The following MYH15 variants were observed in gnomAD, a reference collection of about 807,000 sequenced individuals.
MYH15 encodes myosin-15.
In MYH15, 227 loss-of-function variants were observed where a neutral mutation model predicts 240.5. The ratio of observed to expected loss-of-function variants is 0.94; its 90% CI spans 0.85 to 1.05. The LOEUF is 1.05. Ranked by LOEUF, MYH15 falls within the 50% of genes least tolerant of loss-of-function variation. MYH15 has a pLI of 0.00. For synonymous variants in MYH15, 785 were observed against 796.7 expected, an observed-to-expected ratio of 0.99 and a Z score of 0.25; for missense variants, 2,217 against 2,247.5, an observed-to-expected ratio of 0.99 and a Z score of 0.27.
At chr3:108,453,062 T>A (rs945238553) in intron 21 of MYH15, among the ~76,000 whole-genome samples, 3 of 152,230 alleles carry the variant, frequency 2.0e-5, no homozygotes, top group African/African-American at 7.2e-5. Context: ...TTGAGAGCTT[T>A]CACAATAACT....
chr3:108,543,516 G>A, the MYH15 span: 3 of 152,202 alleles, frequency 2.0e-5, no homozygotes, highest in Non-Finnish European at 4.4e-5. Flanking sequence ...AAGCGGATGA[G>A]CTTGTAGCAG....
chr3:108,529,230 A>G lies in MYH15; in HGVS notation c.-58+33T>C, dbSNP rs768555841. On this transcript the variant is annotated intron_variant, in intron 1 of 41. Coordinates refer to the MYH15 transcript ENST00000273353. ...GTCAGGCTATTCAGCATTCTGTTAG[A>G]CAAATTAAAACATATGTTGGGAGTC... The G allele has an allele frequency of 2.5e-6, 4 of 1,592,654 alleles. No homozygotes were observed. In the South Asian group the frequency reaches 4.4e-5, roughly 18 times the overall value.
intron 38 of MYH15, among the ~76,000 whole-genome samples, chr3:108,385,525 G>A (rs1387324052): frequency 3.9e-5 from 6 of 152,162 alleles, no homozygotes; most frequent in African/African-American, 1.2e-4. Flanking sequence ...ATTCCAGAGA[G>A]AGAGGAGGCT....
chr3:108,399,029 A>G, intron 34 of MYH15, 46 bp downstream of exon 34: 1 of 1,577,678 alleles, frequency 6.3e-7, no homozygotes, highest in Non-Finnish European at 8.7e-7. Flanking sequence ...CCATAAGCAG[A>G]AACATTTTCC....
rs527434437 is a variant in MYH15, at chr3:108,390,506, T to A, written c.5430+1254A>T. Among the ~76,000 whole-genome samples, 6 of 152,322 alleles carry A rather than the reference T, an allele frequency of 3.9e-5. No homozygotes were observed. In the East Asian group the frequency reaches 1.2e-3, roughly 29 times the overall value. ...TTTAAATTTTATACCTATATGCCGT[T>A]TCTCTTATACCAAAAATCTTGGTTC... On this transcript the variant is annotated intron_variant, in intron 37 of 40. Coordinates refer to ENST00000693548, the MANE Select transcript of MYH15 (RefSeq NM_014981.3).
chr3:108,423,849 G>A (rs373848964), intron 27 of MYH15, among the ~76,000 whole-genome samples: 5 of 152,248 alleles, frequency 3.3e-5, no homozygotes, highest in African/African-American at 9.6e-5. Context: ...GTATGAAGTG[G>A]TGATAAAGGA....
At chr3:108,418,637 C>CTT (rs35597878) in intron 28 of MYH15, among the ~76,000 whole-genome samples, 10 of 144,630 alleles carry the variant, frequency 6.9e-5, no homozygotes, top group South Asian at 4.4e-4. Context: ...CATCTTGTGG[C>CTT]TTTTTTTTTT....
chr3:108,438,733 G>A (rs1268830412), intron 24 of MYH15, among the ~76,000 whole-genome samples: 2 of 152,096 alleles, frequency 1.3e-5, no homozygotes, highest in African/African-American at 4.8e-5. Flanking sequence ...CAACTCTGCT[G>A]GTACTTTGAT....
intron 2 of MYH15, among the ~76,000 whole-genome samples, chr3:108,502,739 G>T (rs888948292): frequency 4.6e-5 from 7 of 152,014 alleles, no homozygotes; most frequent in African/African-American, 1.4e-4. Context: ...TTTAATCCCA[G>T]TTGGTGATGG....
At chr3:108,507,413 ACTATAAC>A in intron 1 of MYH15, among the ~76,000 whole-genome samples, 1 of 149,596 alleles carries the variant, frequency 6.7e-6, no homozygotes, top group South Asian at 2.1e-4. Context: ...TGAAAACCCC[ACTATAAC>A]CACAGCACTA....
chr3:108,431,657 T>G (rs1358217016), intron 25 of MYH15, among the ~76,000 whole-genome samples: 1 of 151,958 alleles, frequency 6.6e-6, no homozygotes. Flanking sequence ...ACCAGTAGAG[T>G]GGGGTGCTGA....
chr3:108,406,491 G>C (rs1360294269), intron 32 of MYH15, among the ~76,000 whole-genome samples: 1 of 152,124 alleles, frequency 6.6e-6, no homozygotes, highest in Non-Finnish European at 1.5e-5. Context: ...CAAATGCTTG[G>C]ATAACAATTT....
At chr3:108,414,075 T>C (rs2082614903) in intron 30 of MYH15, among the ~76,000 whole-genome samples, 157 bp downstream of exon 30, 1 of 152,180 alleles carries the variant, frequency 6.6e-6, no homozygotes, top group Admixed American at 6.5e-5. Context: ...GTGTGCTTCT[T>C]ACCAGCAGTG....
upstream of MYH15, among the ~76,000 whole-genome samples, chr3:108,530,314 G>T (rs796897279): frequency 3.9e-5 from 6 of 152,252 alleles, no homozygotes; most frequent in African/African-American, 1.4e-4. Flanking sequence ...ACAATGTCTG[G>T]CATCTAATTA....
At chr3:108,437,415 A>AT (rs397876373) in intron 25 of MYH15, 139 bp downstream of exon 25, 1 of 1,119,740 alleles carries the variant, frequency 8.9e-7, no homozygotes, top group African/African-American at 1.6e-5. Flanking sequence ...GAAAAAAAAA[A>AT]TTGTTTCCTA....
chr3:108,498,408 T>C (rs1169981242), intron 5 of MYH15, among the ~76,000 whole-genome samples: 1 of 152,128 alleles, frequency 6.6e-6, no homozygotes, highest in African/African-American at 2.4e-5. Context: ...CTGTTCCTTG[T>C]GGTCCTAATA....
chr3:108,428,921 T>C (rs1477063403), intron 26 of MYH15, 40 bp from the exon 27 acceptor site: 2 of 1,532,530 alleles, frequency 1.3e-6, no homozygotes, highest in Admixed American at 4.3e-5. Flanking sequence ...TAAGCACTTG[T>C]AGCAAGAGCT....
upstream of MYH15, among the ~76,000 whole-genome samples, chr3:108,511,493 C>G (rs1178617043): frequency 1.3e-5 from 2 of 152,242 alleles, no homozygotes; most frequent in African/African-American, 4.8e-5. Flanking sequence ...CACTGAGCAC[C>G]CACTGTATAC....
upstream of MYH15, among the ~76,000 whole-genome samples, chr3:108,532,869 A>G (rs1456237682): frequency 6.6e-6 from 1 of 152,222 alleles, no homozygotes; most frequent in Non-Finnish European, 1.5e-5. Context: ...ATCAAGAATA[A>G]GTATACTGCC....
Sources: allele counts gnomAD v4.1 joint callset (sites outside exome capture counted in the v4.1 genomes callset), GRCh38; gene constraint gnomAD v4.1.1; transcripts MANE v1.5; gene names NCBI Gene and HGNC (gene_info 2026-07-23, HGNC 2026-07-21).